Variants in CDK14 observed in about 807,000 individuals in gnomAD.
The protein encoded by CDK14 is cyclin dependent kinase 14.
Under a neutral mutation model 60.7 loss-of-function variants are expected in CDK14, and 34 were observed. That is an observed-to-expected ratio of 0.56 (90% CI 0.43 to 0.75). The LOEUF (loss-of-function observed/expected upper bound fraction) is 0.75. CDK14 is among the 30% of genes least tolerant of loss of function. The probability of loss-of-function intolerance (pLI) is 0.00; values close to 1 mark genes in which losing one functional copy is unlikely to be tolerated. For synonymous variants in CDK14, 197 were observed against 203.7 expected (o/e 0.97, Z 0.28); for missense variants, 482 against 564.1 (o/e 0.85, Z 1.47).
At chr7:90,999,354 C>T (rs946248710) in intron 10 of CDK14, among the ~76,000 whole-genome samples, 1 of 151,346 alleles carries the variant, frequency 6.6e-6, no homozygotes, top group Non-Finnish European at 1.5e-5. Context: ...TTTAGGAGGT[C>T]GAGGTGGGCA....
intron 5 of CDK14, among the ~76,000 whole-genome samples, chr7:90,850,678 A>G (rs541044573): frequency 6.6e-6 from 1 of 152,144 alleles, no homozygotes; most frequent in East Asian, 1.9e-4. Context: ...AAAGCACCAT[A>G]TGGCTGGAGT....
intron 2 of CDK14, among the ~76,000 whole-genome samples, chr7:90,670,673 G>A (rs1203244651): frequency 6.6e-6 from 1 of 151,980 alleles, no homozygotes; most frequent in Non-Finnish European, 1.5e-5. Context: ...GGGAGGTGTT[G>A]CACCCTTAAA....
At chr7:90,806,493 G>A (rs576624446) in intron 5 of CDK14, among the ~76,000 whole-genome samples, 15 of 152,252 alleles carry the variant, frequency 9.9e-5, no homozygotes, top group East Asian at 5.8e-4. Flanking sequence ...TATGAATGGC[G>A]AAGATGGCCA....
At position 91,068,131 on chromosome 7, in the gene CDK14, G is replaced by A. The variant is rs147367265; in HGVS notation, c.1106-11301G>A. Among the ~76,000 whole-genome samples, 335 of 152,292 alleles carry A rather than the reference G, an allele frequency of 2.2e-3. 3 individuals carry two copies. Among genetic ancestry groups the A allele is most frequent in the Middle Eastern group, 0.014 (4 of 294 alleles). ...CAGTTAATCCTCAAACCTAGACTAT[G>A]CCCTTAAATTCCTATTCTACACCAA... On this transcript the variant is annotated intron_variant, in intron 11 of 14. Transcript: ENST00000380050.
At chr7:90,599,157 A>G (rs1256882296) in intron 1 of CDK14, among the ~76,000 whole-genome samples, 1 of 152,188 alleles carries the variant, frequency 6.6e-6, no homozygotes, top group Non-Finnish European at 1.5e-5. Context: ...TCTGAGCTTC[A>G]GTTTTTCATG....
intron 13 of CDK14, 141 bp from the exon 14 acceptor site, chr7:91,117,924 C>T (rs1799655962): frequency 3.9e-6 from 2 of 506,394 alleles, no homozygotes; most frequent in Admixed American, 3.4e-5. Flanking sequence ...GACCACCTGG[C>T]ATTTCAAAGA....
chr7:90,962,967 C>T (rs1379887178), intron 9 of CDK14, among the ~76,000 whole-genome samples: 1 of 152,110 alleles, frequency 6.6e-6, no homozygotes, highest in East Asian at 1.9e-4. Flanking sequence ...TGGGGTACAG[C>T]ATCCAAGGGT....
At chr7:90,780,071 T>C (rs997703891) in intron 4 of CDK14, among the ~76,000 whole-genome samples, 1 of 152,230 alleles carries the variant, frequency 6.6e-6, no homozygotes, top group Non-Finnish European at 1.5e-5. Flanking sequence ...CTTGTTCCCT[T>C]ATGCCTTTTA....
intron 8 of CDK14, among the ~76,000 whole-genome samples, chr7:90,926,770 G>A (rs1793428762): frequency 6.6e-6 from 1 of 152,052 alleles, no homozygotes. Context: ...TTAGGTTAAG[G>A]GCTTAGTCTG....
chr7:91,036,579 C>T (rs181897442), intron 10 of CDK14, among the ~76,000 whole-genome samples: 2 of 151,848 alleles, frequency 1.3e-5, no homozygotes, highest in African/African-American at 2.4e-5. Context: ...CCTCTTCCTC[C>T]TCCTCAGCCT....
At chr7:91,113,548 T>C (rs2116357956) in intron 13 of CDK14, among the ~76,000 whole-genome samples, 1 of 152,300 alleles carries the variant, frequency 6.6e-6, no homozygotes, top group East Asian at 1.9e-4. Context: ...ATATGTTCTT[T>C]CCAAAGAACA....
chr7:91,083,343 A>T (rs750876487), intron 12 of CDK14, among the ~76,000 whole-genome samples: 4 of 152,188 alleles, frequency 2.6e-5, no homozygotes, highest in Non-Finnish European at 4.4e-5. Flanking sequence ...GCAGCTGTCC[A>T]CTGCCCAGCT....
intron 1 of CDK14, among the ~76,000 whole-genome samples, chr7:90,598,009 A>G (rs577783901): frequency 6.6e-6 from 1 of 152,330 alleles, no homozygotes; most frequent in Non-Finnish European, 1.5e-5. Context: ...CCCTGCATTA[A>G]GATGAAGTTT....
intron 2 of CDK14, among the ~76,000 whole-genome samples, chr7:90,683,152 C>T (rs1421936182): frequency 6.6e-6 from 1 of 152,152 alleles, no homozygotes; most frequent in African/African-American, 2.4e-5. Flanking sequence ...GTGGTGGTTA[C>T]AAAATGATGA....
intron 9 of CDK14, among the ~76,000 whole-genome samples, chr7:90,978,236 G>T (rs1485881721): frequency 2.0e-5 from 3 of 152,134 alleles, no homozygotes; most frequent in African/African-American, 4.8e-5. Flanking sequence ...CAGACATGAT[G>T]TAAATTTGGA....
chr7:90,683,677 T>C (rs1801370535), intron 2 of CDK14, among the ~76,000 whole-genome samples: 1 of 152,208 alleles, frequency 6.6e-6, no homozygotes, highest in African/African-American at 2.4e-5. Flanking sequence ...GGCACATGCC[T>C]GTAATCCTGG....
chr7:90,872,335 T>C (rs1000607635), intron 6 of CDK14, among the ~76,000 whole-genome samples: 7 of 152,210 alleles, frequency 4.6e-5, no homozygotes, highest in African/African-American at 1.7e-4. Flanking sequence ...TGATTCTATA[T>C]TCTGAAGGGG....
chr7:90,779,598 T>C (rs973034218), intron 4 of CDK14, among the ~76,000 whole-genome samples: 6 of 152,146 alleles, frequency 3.9e-5, no homozygotes, highest in Non-Finnish European at 7.3e-5. Flanking sequence ...GAACTTATTA[T>C]AGAAAATAAC....
intron 8 of CDK14, among the ~76,000 whole-genome samples, chr7:90,953,035 T>A (rs1050150919): frequency 1.7e-4 from 26 of 152,162 alleles, no homozygotes; most frequent in African/African-American, 6.3e-4. Flanking sequence ...CTTCTTTTTG[T>A]CTTTCTTTTA....
Sources: gnomAD v4.1 joint callset for allele counts (sites outside exome capture counted in the v4.1 genomes callset) on GRCh38, gnomAD v4.1.1 for gene constraint, MANE v1.5 for transcripts, NCBI Gene and HGNC (gene_info 2026-07-23, HGNC 2026-07-21) for gene names.